Variants in PCDH15 observed in about 807,000 individuals in gnomAD.
The protein encoded by PCDH15 is protocadherin related 15.
In PCDH15, 129 loss-of-function variants were observed where a neutral mutation model predicts 178.5. The ratio of observed to expected loss-of-function variants is 0.72; its 90% CI spans 0.63 to 0.84. The LOEUF (loss-of-function observed/expected upper bound fraction) is 0.84. Ranked by LOEUF, PCDH15 falls within the 40% of genes least tolerant of loss-of-function variation. The probability of loss-of-function intolerance (pLI) is 0.00; values close to 1 mark genes in which losing one functional copy is unlikely to be tolerated. For synonymous variants in PCDH15, 800 were observed against 732.0 expected (o/e 1.09, Z -1.50); for missense variants, 2,230 against 2,099.9 (o/e 1.06, Z -1.21).
intron 9 of PCDH15, among the ~76,000 whole-genome samples, chr10:54,229,571 G>A (rs867258384): frequency 2.0e-5 from 3 of 152,198 alleles, no homozygotes; most frequent in East Asian, 3.9e-4. Flanking sequence ...TCATGAAGGC[G>A]GGTCTTTCCT....
At chr10:54,062,585 T>C (rs2094053012) in intron 18 of PCDH15, among the ~76,000 whole-genome samples, 1 of 152,106 alleles carries the variant, frequency 6.6e-6, no homozygotes, top group East Asian at 1.9e-4. Context: ...CCTCTTCCTT[T>C]TTGCTTTCAA....
At chr10:54,995,274 G>A (rs563486820) in intron 2 of PCDH15, among the ~76,000 whole-genome samples, 1 of 151,842 alleles carries the variant, frequency 6.6e-6, no homozygotes, top group African/African-American at 2.4e-5. Context: ...TACTCGGGAG[G>A]CTGAGGCAGG....
intron 1 of PCDH15, among the ~76,000 whole-genome samples, chr10:54,669,176 T>TGAATAATTA (rs2135481421): frequency 1.3e-5 from 2 of 152,238 alleles, no homozygotes; most frequent in South Asian, 4.1e-4. Context: ...ATTAATAATG[T>TGAATAATTA]CTTCATCAGT....
intron 13 of PCDH15, among the ~76,000 whole-genome samples, chr10:54,181,825 G>A (rs1359926902): frequency 1.3e-5 from 2 of 151,938 alleles, no homozygotes; most frequent in African/African-American, 4.8e-5. Flanking sequence ...TAAACATTCC[G>A]GTGAATTCCC....
chr10:54,953,558 G>A (rs895498425), intron 2 of PCDH15, among the ~76,000 whole-genome samples: 1 of 151,288 alleles, frequency 6.6e-6, no homozygotes, highest in East Asian at 1.9e-4. Context: ...GGGCTCTCCG[G>A]TTAGCATTAT....
chr10:54,442,258 G>A (rs1321539762), intron 3 of PCDH15, among the ~76,000 whole-genome samples: 5 of 150,026 alleles, frequency 3.3e-5, no homozygotes, highest in Non-Finnish European at 7.4e-5. Context: ...CTTGAGCCTT[G>A]ACTATATTGG....
chr10:54,697,914 C>T (rs1483119437), intron 1 of PCDH15, among the ~76,000 whole-genome samples: 2 of 152,030 alleles, frequency 1.3e-5, no homozygotes, highest in Non-Finnish European at 2.9e-5. Flanking sequence ...TTTAGGCCAC[C>T]TGCTAAGTTC....
intron 3 of PCDH15, among the ~76,000 whole-genome samples, chr10:54,874,501 G>A (rs898397234): frequency 3.9e-5 from 6 of 152,030 alleles, no homozygotes; most frequent in African/African-American, 1.4e-4. Context: ...ATAGGCGTGG[G>A]CAAGGACTTC....
intron 2 of PCDH15, among the ~76,000 whole-genome samples, chr10:55,528,477 T>A (rs1459013900): frequency 2.6e-5 from 4 of 152,152 alleles, no homozygotes; most frequent in Non-Finnish European, 4.4e-5. Context: ...ACATGCGGTG[T>A]TTGGTTTTTT....
At chr10:54,860,854 A>G (rs1953826748) in intron 3 of PCDH15, among the ~76,000 whole-genome samples, 1 of 152,174 alleles carries the variant, frequency 6.6e-6, no homozygotes, top group African/African-American at 2.4e-5. Context: ...GTTTGGATGA[A>G]GCTTAGAGGT....
intron 15 of PCDH15, among the ~76,000 whole-genome samples, chr10:54,108,888 C>T (rs2094962876): frequency 6.6e-6 from 1 of 152,122 alleles, no homozygotes. Context: ...ACATCCTGGG[C>T]AAAAATAGAA....
intron 3 of PCDH15, among the ~76,000 whole-genome samples, chr10:54,516,615 A>G (rs991574733): frequency 6.6e-6 from 1 of 152,182 alleles, no homozygotes; most frequent in Non-Finnish European, 1.5e-5. Flanking sequence ...GGGAGAATGG[A>G]ACCAAGTTGG....
intron 1 of PCDH15, among the ~76,000 whole-genome samples, chr10:54,719,364 G>A (rs2095517874): frequency 6.6e-6 from 1 of 151,956 alleles, no homozygotes; most frequent in Non-Finnish European, 1.5e-5. Context: ...AGAAACATAG[G>A]ATTATGTAGT....
At chr10:54,815,097 C>A (rs1432094946) in intron 3 of PCDH15, among the ~76,000 whole-genome samples, 1 of 151,672 alleles carries the variant, frequency 6.6e-6, no homozygotes, top group Non-Finnish European at 1.5e-5. Context: ...AGGGTTTGGA[C>A]TGTGCAGGTC....
intron 2 of PCDH15, among the ~76,000 whole-genome samples, chr10:55,056,060 A>G (rs978126399): frequency 2.0e-5 from 3 of 152,104 alleles, no homozygotes; most frequent in African/African-American, 7.2e-5. Flanking sequence ...CCACCTTGCA[A>G]AACCCTCCTA....
intron 2 of PCDH15, among the ~76,000 whole-genome samples, chr10:55,590,649 T>A (rs188789761): frequency 6.6e-6 from 1 of 152,250 alleles, no homozygotes; most frequent in East Asian, 1.9e-4. Context: ...TTTGCTACTT[T>A]ATAAAATATT....
intron 2 of PCDH15, among the ~76,000 whole-genome samples, chr10:55,125,556 C>A (rs1837877288): frequency 6.6e-6 from 1 of 151,854 alleles, no homozygotes; most frequent in Non-Finnish European, 1.5e-5. Context: ...CAGAATGTAT[C>A]CGGAGAAACA....
intron 1 of PCDH15, among the ~76,000 whole-genome samples, chr10:54,769,852 G>A (rs996102261): frequency 7.2e-5 from 11 of 151,970 alleles, no homozygotes; most frequent in Admixed American, 2.0e-4. Flanking sequence ...CTGGTGATAC[G>A]TTTCTCTAAT....
chr10:54,159,181 T>C (rs1331863948), intron 13 of PCDH15, among the ~76,000 whole-genome samples: 4 of 152,104 alleles, frequency 2.6e-5, no homozygotes, highest in Admixed American at 6.6e-5. Flanking sequence ...TGTTTTTGCC[T>C]CTTGGGCATC....
Sources: gnomAD v4.1 joint callset for allele counts (sites outside exome capture counted in the v4.1 genomes callset) on GRCh38, gnomAD v4.1.1 for gene constraint, MANE v1.5 for transcripts, NCBI Gene and HGNC (gene_info 2026-07-23, HGNC 2026-07-21) for gene names.